The following UBXN2A variants were observed in gnomAD, a reference collection of about 807,000 sequenced individuals.
The protein encoded by UBXN2A is UBX domain-containing protein 2A.
A neutral mutation model predicts 28.4 loss-of-function variants in UBXN2A; 28 were observed. The ratio of observed to expected loss-of-function variants is 0.99; its 90% CI spans 0.73 to 1.35. UBXN2A has a LOEUF of 1.35. Among genes scored for constraint, UBXN2A ranks in the 40% most tolerant of loss-of-function variants. UBXN2A has a pLI of 0.00. For synonymous variants in UBXN2A, 97 were observed against 103.6 expected (o/e 0.94, Z 0.39); for missense variants, 253 against 297.9 (o/e 0.85, Z 1.11).
intron 1 of UBXN2A, among the ~76,000 whole-genome samples, chr2:23,933,079 TGGGCAACAGA>T (rs1435333943): frequency 1.3e-5 from 2 of 152,044 alleles, no homozygotes; most frequent in Non-Finnish European, 2.9e-5. Flanking sequence ...CCCTTCAGCC[TGGGCAACAGA>T]GCGAGACTCC....
chr2:23,988,744 AGATT>A (rs3030907), intron 6 of UBXN2A, among the ~76,000 whole-genome samples: 5,849 of 152,208 alleles, frequency 0.038, 107 homozygotes, highest in Admixed American at 0.046. Flanking sequence ...ACAAGACCTC[AGATT>A]GATTGATTGA....
At chr2:23,947,210 C>A (rs1420091893) in intron 1 of UBXN2A, among the ~76,000 whole-genome samples, 1 of 152,146 alleles carries the variant, frequency 6.6e-6, no homozygotes, top group African/African-American at 2.4e-5. Context: ...TTTTAAAATA[C>A]CACATTCTTA....
At chr2:23,944,594 G>T (rs538968808) in intron 1 of UBXN2A, among the ~76,000 whole-genome samples, 16 of 152,236 alleles carry the variant, frequency 1.1e-4, no homozygotes, top group African/African-American at 3.9e-4. Flanking sequence ...CCCACAGCTT[G>T]CCTAATCTGG....
chr2:23,992,767 T>C (rs1708399184), intron 6 of UBXN2A, among the ~76,000 whole-genome samples: 1 of 152,232 alleles, frequency 6.6e-6, no homozygotes, highest in Non-Finnish European at 1.5e-5. Flanking sequence ...CTGATATTAA[T>C]ATGGTCATAA....
At chr2:23,980,879 G>A (rs997993803) in intron 4 of UBXN2A, among the ~76,000 whole-genome samples, 6 of 152,008 alleles carry the variant, frequency 3.9e-5, no homozygotes, top group East Asian at 3.9e-4. Flanking sequence ...CACCCGCCTC[G>A]GCCTTTCACA....
Position 24,004,084 on chromosome 2 carries a change from A to T in UBXN2A, c.*4217A>T, listed in dbSNP as rs1263622332. 2 of 152,218 alleles carry T rather than the reference A, an allele frequency of 1.3e-5. No individual in the cohort carries two copies. The highest frequency in any genetic ancestry group is 2.9e-5 in the Non-Finnish European group (2 of 68,034). The allele number at this position is 152,218 out of a possible 1,614,324, so 9.4% of individuals were successfully genotyped here. On this transcript the variant is annotated 3_prime_UTR_variant, in exon 7 of 7. Coordinates refer to ENST00000309033, the MANE Select transcript of UBXN2A (RefSeq NM_181713.4). ...TGTCATCAATAACCTTCATTATTCT[A>T]ACTGTGAAACGTTCATTAATGCGAA...
intron 2 of UBXN2A, among the ~76,000 whole-genome samples, chr2:23,961,247 C>T (rs1437216357): frequency 6.6e-6 from 1 of 151,700 alleles, no homozygotes; most frequent in African/African-American, 2.4e-5. Flanking sequence ...AGGTGTGTGC[C>T]ACCACGCCTG....
chr2:23,943,644 C>T (rs1705878313), intron 1 of UBXN2A, among the ~76,000 whole-genome samples: 1 of 152,084 alleles, frequency 6.6e-6, no homozygotes, highest in South Asian at 2.1e-4. Context: ...TGCACCACCA[C>T]ACCCAGCTAA....
At chr2:23,963,686 A>C (rs539643655) in intron 2 of UBXN2A, among the ~76,000 whole-genome samples, 1 of 152,286 alleles carries the variant, frequency 6.6e-6, no homozygotes, top group African/African-American at 2.4e-5. Flanking sequence ...ACCCTTGAAC[A>C]CTGTTGATGG....
intron 6 of UBXN2A, among the ~76,000 whole-genome samples, chr2:23,994,645 A>G (rs537480496): frequency 6.6e-6 from 1 of 152,268 alleles, no homozygotes; most frequent in South Asian, 2.1e-4. Context: ...GTTATTTTTC[A>G]GGTGTCTGGT....
At chr2:23,939,924 A>G (rs1705662934), upstream of UBXN2A, among the ~76,000 whole-genome samples, 4 of 152,246 alleles carry the variant, frequency 2.6e-5, no homozygotes, top group South Asian at 8.3e-4. Context: ...AGCCTGGCCA[A>G]CATGGTGAAA....
At chr2:23,938,279 A>G (rs1705595544), upstream of UBXN2A, among the ~76,000 whole-genome samples, 1 of 152,086 alleles carries the variant, frequency 6.6e-6, no homozygotes, top group Admixed American at 6.6e-5. Context: ...CAGCCTGACC[A>G]ACATGGTGAA....
rs1406884688 is a variant in UBXN2A, at chr2:24,000,589, T to G, written c.*722T>G. On this transcript the variant is annotated 3_prime_UTR_variant, in exon 7 of 7. Coordinates refer to ENST00000309033, the MANE Select transcript of UBXN2A (RefSeq NM_181713.4). ...ATAAATATAAATAATTGTGGCCGGG[T>G]GCAATGGCTCATGCCTGTAATCCCA... is the stretch of plus-strand genomic sequence containing the variant. 6.6e-6 allele frequency: 1 copy of G among 152,004 alleles called. No homozygotes were observed. Among genetic ancestry groups the G allele is most frequent in the Non-Finnish European group, 1.5e-5 (1 of 68,024 alleles). 9.4% of individuals were successfully genotyped at this position (152,004 alleles called of 1,614,324 possible). A position where few individuals can be genotyped will look rare whatever the true frequency, so the allele number is the denominator to read the frequency against.
In UBXN2A at chr2:23,996,031, T is replaced by C. The variant is rs570836819; in HGVS notation, c.585-3641T>C. Among the ~76,000 whole-genome samples the C allele has an allele frequency of 1.4e-4, 21 of 150,886 alleles. No individual in the cohort carries two copies. The East Asian group carries it at 4.1e-3, about 30-fold the overall frequency. ...CTCCTGCCTCAGCCTTCCAAGTAGC[T>C]GGGATTACAGGTGTGCGTCACCACG... On this transcript the variant is annotated intron_variant, in intron 6 of 6. Coordinates refer to ENST00000309033, the MANE Select transcript of UBXN2A (RefSeq NM_181713.4).
intron 1 of UBXN2A, among the ~76,000 whole-genome samples, chr2:23,954,756 CTT>C (rs35258355): frequency 4.3e-4 from 57 of 133,492 alleles, no homozygotes; most frequent in Admixed American, 3.8e-4. Context: ...TTTTGCATAT[CTT>C]TTTTTTTTTT....
chr2:23,968,800 T>C (rs192946682), intron 2 of UBXN2A: 28 of 152,740 alleles, frequency 1.8e-4, no homozygotes, highest in Non-Finnish European at 2.2e-4. Flanking sequence ...TTCTGTACTT[T>C]TATAAATTTT....
At chr2:23,981,695 AC>A (rs1707916529) in intron 4 of UBXN2A, among the ~76,000 whole-genome samples, 1 of 150,748 alleles carries the variant, frequency 6.6e-6, no homozygotes, top group African/African-American at 2.4e-5. Context: ...GGAGCTCAGG[AC>A]CAGCCTGGGC....
At chr2:23,951,616 A>C (rs145429899) in intron 1 of UBXN2A, among the ~76,000 whole-genome samples, 5,787 of 151,734 alleles carry the variant, frequency 0.038, 109 homozygotes, top group South Asian at 0.045. Flanking sequence ...ACCTGCCACC[A>C]TGCCCAGCTA....
chr2:23,945,586 A>C (rs1414941969), intron 1 of UBXN2A, among the ~76,000 whole-genome samples: 1 of 152,022 alleles, frequency 6.6e-6, no homozygotes, highest in Non-Finnish European at 1.5e-5. Flanking sequence ...CGTGTTTAAT[A>C]CCTGGAATGG....
Sources: allele counts gnomAD v4.1 joint callset (sites outside exome capture counted in the v4.1 genomes callset), GRCh38; gene constraint gnomAD v4.1.1; transcripts MANE v1.5; gene names NCBI Gene and HGNC (gene_info 2026-07-23, HGNC 2026-07-21).